SLC1A7: variants seen among roughly 807,000 people sequenced by gnomAD.
SLC1A7 encodes the protein solute carrier family 1 member 7.
SLC1A7 carries 40 observed loss-of-function variants against 47.7 expected under a neutral mutation model. The observed-to-expected ratio is 0.84, with a 90% confidence interval of 0.65 to 1.09. The LOEUF (loss-of-function observed/expected upper bound fraction) is 1.09, where lower values mean the gene tolerates loss of function less well. Among genes scored for constraint, SLC1A7 ranks in the 50% least tolerant of loss-of-function variants. The pLI is 0.00. For missense variants in SLC1A7, 746 were observed against 769.5 expected (o/e 0.97, Z 0.36); for synonymous variants, 323 against 325.6 (o/e 0.99, Z 0.09).
At chr1:53,101,557 C>T (rs56980888) in intron 5 of SLC1A7, among the ~76,000 whole-genome samples, 5,378 of 143,884 alleles carry the variant, frequency 0.037, 165 homozygotes, top group East Asian at 0.17. Flanking sequence ...CACCCTGCCT[C>T]GGTACACCCA....
intron 2 of SLC1A7, among the ~76,000 whole-genome samples, chr1:53,126,159 T>G (rs1415670267): frequency 6.6e-6 from 1 of 152,170 alleles, no homozygotes; most frequent in African/African-American, 2.4e-5. Context: ...TCAGAGGCCG[T>G]GATCTAAAAC....
intron 2 of SLC1A7, 78 bp from the exon 3 acceptor site, chr1:53,115,051 C>T: frequency 9.0e-7 from 1 of 1,112,242 alleles, no homozygotes; most frequent in Non-Finnish European, 1.3e-6. Flanking sequence ...TCAGCCCCTC[C>T]TGGCCATGTC....
chr1:53,088,298 C>T, intron 10 of SLC1A7, 71 bp from the exon 11 acceptor site: 1 of 1,272,336 alleles, frequency 7.9e-7, no homozygotes, highest in Non-Finnish European at 1.1e-6. Flanking sequence ...GACTGAGGGC[C>T]AGTGGGGCAG....
intron 1 of SLC1A7, among the ~76,000 whole-genome samples, chr1:53,138,859 C>A (rs1645027430): frequency 6.6e-6 from 1 of 152,060 alleles, no homozygotes; most frequent in Non-Finnish European, 1.5e-5. Context: ...TCCCCAGATT[C>A]TTTCTTGTTC....
intron 2 of SLC1A7, 150 bp from the exon 3 acceptor site, chr1:53,115,123 C>G: frequency 1.5e-6 from 1 of 651,372 alleles, no homozygotes; most frequent in Admixed American, 2.4e-5. Flanking sequence ...TGTGCTCCTT[C>G]CAGCCTCTCT....
intron 4 of SLC1A7, 110 bp downstream of exon 4, chr1:53,105,622 G>A (rs2150326553): frequency 1.1e-6 from 1 of 884,780 alleles, no homozygotes; most frequent in Non-Finnish European, 1.9e-6. Context: ...CCAGCAGACA[G>A]CGTGACTGGC....
At chr1:53,132,567 T>G (rs565977888) in intron 2 of SLC1A7, among the ~76,000 whole-genome samples, 2 of 152,280 alleles carry the variant, frequency 1.3e-5, no homozygotes, top group African/African-American at 4.8e-5. Context: ...GAAGTGTGGC[T>G]GGGCACGGTG....
chr1:53,093,554 A>G lies in SLC1A7; in HGVS notation c.704T>C (p.Met235Thr), dbSNP rs763535754. ...IVFFSATMGI[M>T]LGRMGDSGAP... is the part of the protein sequence containing the mutation. ...CCCGCTGTCACCCATGCGGCCCAGCATGATGCCTGCGGGTCAGGGACACAG... is the reference window on the plus strand; with the variant it reads ...CCCGCTGTCACCCATGCGGCCCAGCGTGATGCCTGCGGGTCAGGGACACAG... Residue 235 changes from methionine to threonine, a missense_variant, in exon 6 of 11, where the codon ATG becomes ACG. Met to Thr is a moderately conservative substitution (Grantham distance 81). Coordinates refer to ENST00000371494, the MANE Select transcript of SLC1A7 (RefSeq NM_006671.6). 2.5e-6 allele frequency: 4 copies of G among 1,602,492 alleles called. No individual in the cohort carries two copies. Among genetic ancestry groups the G allele is most frequent in the Non-Finnish European group, 3.4e-6 (4 of 1,178,270 alleles).
intron 5 of SLC1A7, among the ~76,000 whole-genome samples, chr1:53,094,739 G>A (rs927614777): frequency 2.6e-5 from 4 of 152,300 alleles, no homozygotes; most frequent in African/African-American, 7.2e-5. Context: ...CGCCCTCCCC[G>A]GGCTCCACCA....
At position 53,142,543 on chromosome 1, in the gene SLC1A7, T is replaced by G. The variant is rs1011942124; in HGVS notation, c.-94A>C. On this transcript the variant is annotated 5_prime_UTR_variant, in exon 1 of 11. Coordinates refer to ENST00000371494, the MANE Select transcript of SLC1A7 (RefSeq NM_006671.6). ...GGTCTGGGCTGAGGGCTCTAGCCCC[T>G]CAGCAGGCAGGTGGTCGGAGTTGCT... The G allele has an allele frequency of 1.1e-5, 16 of 1,419,844 alleles. No homozygotes were observed. In the African/African-American group the frequency reaches 2.1e-4, roughly 19 times the overall value. The allele number at this position is 1,419,844 out of a possible 1,614,324, so 88.0% of individuals were successfully genotyped here. A position where few individuals can be genotyped will look rare whatever the true frequency, so the allele number is the denominator to read the frequency against.
At chr1:53,109,823 G>A (rs999155206) in intron 3 of SLC1A7, among the ~76,000 whole-genome samples, 1 of 152,174 alleles carries the variant, frequency 6.6e-6, no homozygotes, top group African/African-American at 2.4e-5. Flanking sequence ...GCAGCCCTGG[G>A]GTGGGGGCGT....
intron 3 of SLC1A7, among the ~76,000 whole-genome samples, chr1:53,107,290 C>T (rs1644654607): frequency 6.7e-6 from 1 of 150,176 alleles, no homozygotes; most frequent in Non-Finnish European, 1.5e-5. Flanking sequence ...ATAGATTTTA[C>T]TACATGAAAA....
intron 10 of SLC1A7, among the ~76,000 whole-genome samples, 166 bp downstream of exon 10, chr1:53,088,711 T>C (rs1644386161): frequency 6.6e-6 from 1 of 152,168 alleles, no homozygotes; most frequent in Non-Finnish European, 1.5e-5. Flanking sequence ...AATAAATAGA[T>C]GTTAGAGGAA....
Position 53,105,719 on chromosome 1 carries a change from G to GAGC in SLC1A7, c.474+12_474+13insGCT. On this transcript the variant is annotated intron_variant, in intron 4 of 10. Coordinates refer to ENST00000371494, the MANE Select transcript of SLC1A7 (RefSeq NM_006671.6). ...CCCCTTCCCTCCCCTCCACTGCCCA[G>GAGC]AGACTCACTCACCTGTTTGAATGTG... The GAGC allele has an allele frequency of 6.2e-7, 1 of 1,607,822 alleles. No homozygotes were observed. The highest frequency in any genetic ancestry group is 8.5e-7 in the Non-Finnish European group (1 of 1,174,500).
At chr1:53,111,556 T>C (rs1030623370) in intron 3 of SLC1A7, among the ~76,000 whole-genome samples, 1 of 151,854 alleles carries the variant, frequency 6.6e-6, no homozygotes, top group African/African-American at 2.4e-5. Flanking sequence ...GGCCATGGCT[T>C]GGGATTTGGT....
At chr1:53,106,757 A>G (rs1183919775) in intron 3 of SLC1A7, among the ~76,000 whole-genome samples, 2 of 152,260 alleles carry the variant, frequency 1.3e-5, no homozygotes, top group Admixed American at 1.3e-4. Context: ...CGAAGGATTC[A>G]TTATAGAATG....
intron 2 of SLC1A7, chr1:53,115,376 G>T: frequency 9.2e-6 from 2 of 217,084 alleles, no homozygotes; most frequent in East Asian, 2.6e-4. Context: ...CAGCCAGGCA[G>T]GACCAAGCTT....
Position 53,088,121 on chromosome 1 carries a change from C to T in SLC1A7, c.1571G>A (p.Gly524Asp), listed in dbSNP as rs779083706. Residue 524 changes from glycine (G) to aspartate (D), a missense_variant, in exon 11 of 11, where the codon GGC (glycine) becomes GAC (aspartate). Physicochemically the swap from Gly to Asp is moderately conservative, Grantham distance 94. Transcript: ENST00000371494. The part of the protein sequence containing the change: ...SVAEASELTL[G>D]PTCPHHVPVQ... ...GGGGACGTGGTGGGGGCAGGTGGGG[C>T]CCAGGGTGAGCTCGGAGGCCTCGGC... 2 of 1,612,722 alleles carry T rather than the reference C, an allele frequency of 1.2e-6. No individual in the cohort carries two copies. The highest frequency in any genetic ancestry group is 4.5e-5 in the East Asian group (2 of 44,842).
rs12726256 is a variant in SLC1A7, at chr1:53,091,495, G to C, written c.1032-689C>G. On this transcript the variant is annotated intron_variant, in intron 7 of 10. Coordinates refer to ENST00000371494, the MANE Select transcript of SLC1A7 (RefSeq NM_006671.6). ...AGATGGCCAGGGGGCTGCTGGCTCT[G>C]GCTGGCTTGGCCCCTGGCATGGGAG... 9.7e-3 allele frequency among the ~76,000 whole-genome samples: 1,476 copies of C among 152,298 alleles called. 11 individuals carry two copies. Among genetic ancestry groups the C allele is most frequent in the South Asian group, 0.023 (111 of 4,822 alleles).
Sources: gnomAD v4.1 joint callset for allele counts (sites outside exome capture counted in the v4.1 genomes callset) on GRCh38, gnomAD v4.1.1 for gene constraint, MANE v1.5 for transcripts, NCBI Gene and HGNC (gene_info 2026-07-23, HGNC 2026-07-21) for gene names.